The following PLEKHA2 variants were observed in gnomAD, a reference collection of about 807,000 sequenced individuals.
The protein encoded by PLEKHA2 is pleckstrin homology domain-containing family A member 2.
In PLEKHA2, 28 loss-of-function variants were observed where a neutral mutation model predicts 53.2. That is an observed-to-expected ratio of 0.53 (90% CI 0.39 to 0.72). The LOEUF (loss-of-function observed/expected upper bound fraction) is 0.72. Among genes scored for constraint, PLEKHA2 ranks in the 30% least tolerant of loss-of-function variants. The probability of loss-of-function intolerance (pLI) is 0.00; values close to 1 mark genes in which losing one functional copy is unlikely to be tolerated. For synonymous variants in PLEKHA2, 193 were observed against 196.4 expected (o/e 0.98, Z 0.14); for missense variants, 426 against 537.9 (o/e 0.79, Z 2.06).
intron 1 of PLEKHA2, among the ~76,000 whole-genome samples, chr8:38,906,252 CG>C (rs1833871991): frequency 2.6e-5 from 4 of 152,152 alleles, no homozygotes; most frequent in Non-Finnish European, 5.9e-5. Context: ...CCTTCAGCCC[CG>C]GGCAGGCTTT....
At chr8:38,964,851 C>CTT (rs1564159010) in intron 10 of PLEKHA2, among the ~76,000 whole-genome samples, 2 of 103,532 alleles carry the variant, frequency 1.9e-5, no homozygotes, top group Admixed American at 1.1e-4. Flanking sequence ...TTGTTACTTC[C>CTT]CTTTTTTTTT....
intron 10 of PLEKHA2, among the ~76,000 whole-genome samples, chr8:38,968,322 C>T (rs1198645070): frequency 1.3e-5 from 2 of 152,138 alleles, no homozygotes; most frequent in East Asian, 1.9e-4. Context: ...ACTTCAGCAG[C>T]GGATAGGGTC....
intron 10 of PLEKHA2, among the ~76,000 whole-genome samples, chr8:38,960,550 AC>A (rs200246954): frequency 0.03 from 4,638 of 152,332 alleles, 114 homozygotes; most frequent in Non-Finnish European, 0.046. Context: ...TGTGAAAAAA[AC>A]ATATTTCTAA....
rs1011912325 is a variant in PLEKHA2 at position 38,918,089 on chromosome 8, A to G, written c.141+19A>G. The G allele has an allele frequency of 3.1e-6, 5 of 1,609,516 alleles. No homozygotes were observed. The highest frequency in any genetic ancestry group is 2.2e-5 in the East Asian group (1 of 44,748). ...CCCCCAGGTGAGAGGGTCAGTGGGA[A>G]GGGGTGGGGCGACTGGGTGCCCATC... On this transcript the variant is annotated intron_variant, in intron 2 of 11. Coordinates refer to ENST00000617275, the MANE Select transcript of PLEKHA2 (RefSeq NM_021623.2).
At chr8:38,919,627 T>C (rs1834142834) in intron 2 of PLEKHA2, among the ~76,000 whole-genome samples, 1 of 152,242 alleles carries the variant, frequency 6.6e-6, no homozygotes, top group South Asian at 2.1e-4. Flanking sequence ...TCTAGGTCAC[T>C]GTCCAGGGAC....
intron 2 of PLEKHA2, among the ~76,000 whole-genome samples, chr8:38,933,289 C>T (rs187669461): frequency 2.0e-4 from 30 of 152,232 alleles, no homozygotes; most frequent in South Asian, 1.2e-3. Flanking sequence ...CGTGTCTTTC[C>T]ATGGAATTCT....
chr8:38,943,485 C>CTAAA (rs1400337025), intron 3 of PLEKHA2, among the ~76,000 whole-genome samples: 22 of 151,838 alleles, frequency 1.4e-4, no homozygotes, highest in African/African-American at 3.4e-4. Context: ...GACCCTATAT[C>CTAAA]TAAATAAATA....
At chr8:38,957,212 C>T (rs1389249304) in intron 9 of PLEKHA2, 111 bp from the exon 10 acceptor site, 11 of 769,558 alleles carry the variant, frequency 1.4e-5, no homozygotes, top group Non-Finnish European at 2.3e-5. Context: ...TTGGAACCAC[C>T]CCCCACCCAT....
rs1289113073 is a variant in PLEKHA2 at position 38,922,097 on chromosome 8, A to G, written c.141+4027A>G. On this transcript the variant is annotated intron_variant, in intron 2 of 11. Coordinates refer to ENST00000617275, the MANE Select transcript of PLEKHA2 (RefSeq NM_021623.2). The surrounding 1 kb of genome is among the most constrained non-coding windows in gnomAD (Gnocchi z 4.0). ...AAGAATTTGCCCGTGGTTACATAATAAAAAAGTAGCACAGCTGGGACTCTA... is the reference window on the plus strand; with the variant it reads ...AAGAATTTGCCCGTGGTTACATAATGAAAAAGTAGCACAGCTGGGACTCTA... 6.6e-6 allele frequency among the ~76,000 whole-genome samples: 1 copy of G among 152,184 alleles called. No homozygotes were observed. Among genetic ancestry groups the G allele is most frequent in the Non-Finnish European group, 1.5e-5 (1 of 68,046 alleles).
intron 10 of PLEKHA2, among the ~76,000 whole-genome samples, chr8:38,960,660 T>G (rs1835025994): frequency 6.6e-6 from 1 of 152,254 alleles, no homozygotes; most frequent in Non-Finnish European, 1.5e-5. Flanking sequence ...GCTTCTGCAT[T>G]CTATCTGTGG....
chr8:38,953,245 G>A (rs879728210), intron 8 of PLEKHA2, 52 bp from the exon 9 acceptor site: 123 of 1,443,954 alleles, frequency 8.5e-5, no homozygotes, highest in Middle Eastern at 3.5e-4. Context: ...GGTCTGGGTC[G>A]TGATATGACA....
Position 38,922,608 on chromosome 8 carries a change from G to A in PLEKHA2, c.141+4538G>A, listed in dbSNP as rs556748790. 2.0e-5 allele frequency among the ~76,000 whole-genome samples: 3 copies of A among 152,332 alleles called. No individual in the cohort carries two copies. The highest frequency in any genetic ancestry group is 7.2e-5 in the African/African-American group (3 of 41,568). ...GCTATGTTTTCTTAATTATTTAATA[G>A]GCAGTAATAAGCAGAAGATTTTTGG... On this transcript the variant is annotated intron_variant, in intron 2 of 11. Transcript: ENST00000617275. This position sits in a 1 kb window ranked among gnomAD's most constrained non-coding sequence, Gnocchi z 4.0.
At chr8:38,906,317 T>C (rs569482091) in intron 1 of PLEKHA2, among the ~76,000 whole-genome samples, 2 of 152,262 alleles carry the variant, frequency 1.3e-5, no homozygotes, top group Non-Finnish European at 2.9e-5. Context: ...ATGAGGCTGC[T>C]GTGAAGAGAG....
Position 38,952,325 on chromosome 8 carries a change from A to G in PLEKHA2, c.633+13A>G. On this transcript the variant is annotated intron_variant, in intron 7 of 11. Transcript: ENST00000617275. ...GCAAGGGAATGTGGTGAGTGTCAGCACAGGGGCTGAATTGGGGTTCTGGTG... is the reference window on the plus strand; with the variant it reads ...GCAAGGGAATGTGGTGAGTGTCAGCGCAGGGGCTGAATTGGGGTTCTGGTG... 2 of 1,610,764 alleles carry G rather than the reference A, an allele frequency of 1.2e-6. No individual in the cohort carries two copies. The highest frequency in any genetic ancestry group is 8.5e-7 in the Non-Finnish European group (1 of 1,178,508).
At chr8:38,957,415 G>C in intron 10 of PLEKHA2, 29 bp downstream of exon 10, 6 of 1,576,464 alleles carry the variant, frequency 3.8e-6, no homozygotes, top group Non-Finnish European at 5.2e-6. Context: ...GAAGACTCCA[G>C]CATTCTGTTT....
chr8:38,953,332 T>C lies in PLEKHA2; in HGVS notation c.738T>C (p.Asp246=), dbSNP rs767979088. Residue 246 remains aspartate (D), a synonymous_variant, in exon 9 of 12, where the codon GAT becomes GAC. Transcript: ENST00000617275. ...CACTGCGCACCATATTTCTTAAGGA[T>C]GTTCTGAAGACCCATGAATGTCTGG... is the stretch of plus-strand genomic sequence containing the variant. ...REPLRTIFLK[D]VLKTHECLVK... is the part of the protein sequence containing the mutation. 2 of 1,613,490 alleles carry C rather than the reference T, an allele frequency of 1.2e-6. No individual in the cohort carries two copies. The highest frequency in any genetic ancestry group is 1.7e-6 in the Non-Finnish European group (2 of 1,179,418).
At position 38,936,056 on chromosome 8, in the gene PLEKHA2, G is replaced by A. The variant is rs894056689; in HGVS notation, c.198+6G>A. On this transcript the variant is annotated splice_donor_region_variant and intron_variant, in intron 3 of 11. Coordinates refer to ENST00000617275, the MANE Select transcript of PLEKHA2 (RefSeq NM_021623.2). ...AGCTGACCTACATCTCGAAGGTAAT[G>A]TTGACCTGGAACTCTGGGAATTCAT... The A allele has an allele frequency of 1.9e-6, 3 of 1,612,796 alleles. No homozygotes were observed. Among genetic ancestry groups the A allele is most frequent in the Non-Finnish European group, 2.5e-6 (3 of 1,179,052 alleles).
At chr8:38,950,546 G>T in intron 5 of PLEKHA2, 1 of 250,168 alleles carries the variant, frequency 4.0e-6, no homozygotes, top group Non-Finnish European at 7.7e-6. Flanking sequence ...TAAGTGCCGT[G>T]AAGGTGGGGA....
intron 1 of PLEKHA2, among the ~76,000 whole-genome samples, chr8:38,905,217 G>A (rs1046427568): frequency 6.6e-6 from 1 of 152,120 alleles, no homozygotes; most frequent in East Asian, 1.9e-4. Context: ...AGGGCTTTGG[G>A]AGGCTGAGGT....
Sources: gnomAD v4.1 joint callset for allele counts (sites outside exome capture counted in the v4.1 genomes callset) on GRCh38, gnomAD v4.1.1 for gene constraint, Gnocchi (gnomAD v3.1) non-coding constraint, MANE v1.5 for transcripts, NCBI Gene and HGNC (gene_info 2026-07-23, HGNC 2026-07-21) for gene names.